ANKRD12: variants seen among roughly 807,000 people sequenced by gnomAD.
The protein encoded by ANKRD12 is ankyrin repeat domain 12.
Under a neutral mutation model 183.4 loss-of-function variants are expected in ANKRD12, and 85 were observed. That is an observed-to-expected ratio of 0.46 (90% CI 0.39 to 0.56). The LOEUF (loss-of-function observed/expected upper bound fraction) is 0.56. Among genes scored for constraint, ANKRD12 ranks in the 20% least tolerant of loss-of-function variants. The pLI, the probability that ANKRD12 is intolerant of heterozygous loss-of-function variation, is 0.00. For missense variants in ANKRD12, 2,405 were observed against 2,357.1 expected (o/e 1.02, Z -0.42); for synonymous variants, 914 against 800.2 (o/e 1.14, Z -2.40).
intron 4 of ANKRD12, among the ~76,000 whole-genome samples, chr18:9,207,371 C>G (rs1003877386): frequency 2.8e-4 from 42 of 151,740 alleles, no homozygotes; most frequent in African/African-American, 9.9e-4. Flanking sequence ...TTATGCAAAA[C>G]CAAATATTCA....
chr18:9,251,979 T>C (rs930630351), intron 8 of ANKRD12, among the ~76,000 whole-genome samples: 3 of 152,174 alleles, frequency 2.0e-5, no homozygotes, highest in African/African-American at 7.2e-5. Flanking sequence ...ATAAAATGTT[T>C]TATTAAATAC....
chr18:9,201,821 T>A (rs1289945239), intron 3 of ANKRD12, among the ~76,000 whole-genome samples: 4 of 146,272 alleles, frequency 2.7e-5, no homozygotes, highest in African/African-American at 9.7e-5. Flanking sequence ...TTACTAGTTT[T>A]TTTCGCTTTT....
chr18:9,171,607 G>A (rs540823718), intron 1 of ANKRD12, among the ~76,000 whole-genome samples: 6 of 152,082 alleles, frequency 3.9e-5, no homozygotes, highest in Non-Finnish European at 8.8e-5. Flanking sequence ...CTTCTTTTGG[G>A]AGCTCTTTCA....
rs2038621088 is a variant in ANKRD12, at chr18:9,256,308, G to A, written c.3041G>A (p.Gly1014Glu). 15 of 1,595,890 alleles carry A rather than the reference G, an allele frequency of 9.4e-6. No individual in the cohort carries two copies. Among genetic ancestry groups the A allele is most frequent in the Non-Finnish European group, 1.3e-5 (15 of 1,173,910 alleles). Residue 1014 changes from glycine (G) to glutamate (E), a missense_variant, in exon 9 of 13, where the codon GGA becomes GAA. This residue lies in a region of ANKRD12 where 1,983 missense variants were observed against 1,725.9 expected (regional missense o/e 1.15). Transcript: ENST00000262126. ...GATGAACCTTTGAAAACTCCAGATG[G>A]AAAAGAAAAAGATAAAAAAGATAAA... ...TKDEPLKTPD[G>E]KEKDKKDKDI...
intron 1 of ANKRD12, among the ~76,000 whole-genome samples, chr18:9,169,135 T>C (rs887802829): frequency 6.6e-6 from 1 of 152,298 alleles, no homozygotes; most frequent in African/African-American, 2.4e-5. Flanking sequence ...GTGCTTTACT[T>C]CCAACTATGT....
intron 9 of ANKRD12, among the ~76,000 whole-genome samples, chr18:9,261,308 A>G (rs2038952230): frequency 6.6e-6 from 1 of 152,226 alleles, no homozygotes; most frequent in South Asian, 2.1e-4. Flanking sequence ...ATGGTCAAAT[A>G]AGTTTGGGAA....
intron 10 of ANKRD12, among the ~76,000 whole-genome samples, chr18:9,271,783 C>T (rs536920045): frequency 1.3e-5 from 2 of 152,128 alleles, no homozygotes; most frequent in Non-Finnish European, 2.9e-5. Context: ...TATGATTCTA[C>T]TGTGGTTTGT....
intron 10 of ANKRD12, among the ~76,000 whole-genome samples, chr18:9,267,579 C>T (rs528881611): frequency 3.9e-4 from 59 of 151,978 alleles, no homozygotes; most frequent in Non-Finnish European, 8.8e-5. Flanking sequence ...CCAACGAGAA[C>T]AAAGACACAA....
In ANKRD12 at chr18:9,256,474, G is replaced by A. The variant is rs140858823; in HGVS notation, c.3207G>A (p.Arg1069=). ...AAGATACCCGACCTAAAGAAAAGAG[G>A]TTAGTGAATGATGATTTAATGCAGA... The part of the protein sequence containing the change: ...ASKDTRPKEK[R]LVNDDLMQTS... Residue 1069 remains arginine, a synonymous_variant, in exon 9 of 13, where the codon AGG becomes AGA. Transcript: ENST00000262126. The A allele has an allele frequency of 1.5e-5, 25 of 1,613,414 alleles. No homozygotes were observed. In the African/African-American group the frequency reaches 2.1e-4, roughly 14 times the overall value.
chr18:9,266,081 A>G (rs528731056), intron 10 of ANKRD12, among the ~76,000 whole-genome samples: 5 of 152,324 alleles, frequency 3.3e-5, no homozygotes, highest in African/African-American at 1.2e-4. Flanking sequence ...GAATAAAAAG[A>G]AACGAACAAA....
rs2038690378 is a variant in ANKRD12 at position 9,257,254 on chromosome 18, G to A, written c.3987G>A (p.Glu1329=). 6.2e-7 allele frequency: 1 copy of A among 1,614,120 alleles called. No homozygotes were observed. Among genetic ancestry groups the A allele is most frequent in the African/African-American group, 1.3e-5 (1 of 75,040 alleles). ...HTKQFQTISE[E]SNQGSLLTVP... ...AACAATTCCAAACAATATCAGAAGA[G>A]AGCAATCAAGGTAGCTTATTAACTG... Residue 1329 remains glutamate (E), a synonymous_variant, in exon 9 of 13, where the codon GAG becomes GAA. Coordinates refer to ENST00000262126, the MANE Select transcript of ANKRD12 (RefSeq NM_015208.5).
chr18:9,276,658 G>A (rs926376871), intron 11 of ANKRD12, among the ~76,000 whole-genome samples: 1 of 152,032 alleles, frequency 6.6e-6, no homozygotes, highest in Non-Finnish European at 1.5e-5. Context: ...AGGCTGCAGT[G>A]AGCTGGATTG....
intron 1 of ANKRD12, among the ~76,000 whole-genome samples, chr18:9,141,396 A>G (rs1430130624): frequency 2.0e-5 from 3 of 152,196 alleles, no homozygotes; most frequent in African/African-American, 4.8e-5. Context: ...AAGCTAACCA[A>G]ACTCATTTAG....
chr18:9,140,638 A>C (rs544481452), intron 1 of ANKRD12, among the ~76,000 whole-genome samples: 1 of 152,130 alleles, frequency 6.6e-6, no homozygotes, highest in African/African-American at 2.4e-5. Flanking sequence ...GATTTCCTTT[A>C]AAAACTCAGC....
At chr18:9,146,248 G>A (rs1009227085) in intron 1 of ANKRD12, among the ~76,000 whole-genome samples, 1 of 152,166 alleles carries the variant, frequency 6.6e-6, no homozygotes. Flanking sequence ...GTGGTTATAT[G>A]TCAGAAAGTG....
intron 10 of ANKRD12, among the ~76,000 whole-genome samples, chr18:9,264,691 G>A (rs980633293): frequency 1.3e-5 from 2 of 152,310 alleles, no homozygotes; most frequent in East Asian, 3.9e-4. Flanking sequence ...AACACTGCAT[G>A]ACCCATTGAC....
chr18:9,222,283 C>T (rs1041033101), intron 8 of ANKRD12, among the ~76,000 whole-genome samples: 5 of 152,136 alleles, frequency 3.3e-5, no homozygotes, highest in Non-Finnish European at 7.4e-5. Context: ...AACCTCTCCC[C>T]ATGCAGAGCT....
At chr18:9,164,614 T>C (rs1161573752) in intron 1 of ANKRD12, among the ~76,000 whole-genome samples, 2 of 152,160 alleles carry the variant, frequency 1.3e-5, no homozygotes, top group African/African-American at 4.8e-5. Flanking sequence ...TGCATTCGTT[T>C]CCAAGAACTT....
chr18:9,192,838 C>T (rs183260692), intron 2 of ANKRD12, among the ~76,000 whole-genome samples: 10 of 151,392 alleles, frequency 6.6e-5, no homozygotes, highest in East Asian at 5.9e-4. Context: ...TGTGCCATTG[C>T]GCCCAGCTAG....
Sources: gnomAD v4.1 joint callset for allele counts (sites outside exome capture counted in the v4.1 genomes callset) on GRCh38, gnomAD v4.1.1 for gene constraint, gnomAD v4.1.1 regional missense constraint, MANE v1.5 for transcripts, NCBI Gene and HGNC (gene_info 2026-07-23, HGNC 2026-07-21) for gene names.